Variants in BEND6 observed in about 807,000 individuals in gnomAD.
BEND6 encodes the protein BEN domain containing 6, also known as BEN domain-containing protein 6.
In BEND6, 24 loss-of-function variants were observed where a neutral mutation model predicts 31.8. The observed-to-expected ratio is 0.75, with a 90% CI of 0.55 to 1.06. The LOEUF is 1.06. BEND6 is among the 50% of genes least tolerant of loss of function. BEND6 has a pLI of 0.00. For synonymous variants in BEND6, 109 were observed against 114.6 expected (o/e 0.95, Z 0.31); for missense variants, 294 against 327.4 (o/e 0.90, Z 0.79).
At chr6:56,965,676 T>TTATATATATATA (rs35074783) in intron 1 of BEND6, among the ~76,000 whole-genome samples, 41 of 136,560 alleles carry the variant, frequency 3.0e-4, no homozygotes, top group East Asian at 8.4e-4. Flanking sequence ...ACAAAAAAAT[T>TTATATATATATA]TATATATATA....
At chr6:57,015,658 A>T (rs560488428) in intron 4 of BEND6, among the ~76,000 whole-genome samples, 16 of 151,282 alleles carry the variant, frequency 1.1e-4, no homozygotes, top group Admixed American at 5.9e-4. Flanking sequence ...AAAAAAAATT[A>T]ACCGGACGTG....
chr6:56,995,246 A>G (rs1826663946), intron 3 of BEND6, among the ~76,000 whole-genome samples: 2 of 151,332 alleles, frequency 1.3e-5, no homozygotes, highest in Admixed American at 1.3e-4. Flanking sequence ...CAAAAACCTC[A>G]CTTTCAGACC....
chr6:56,976,197 C>CT (rs530764397), intron 1 of BEND6: 13,786 of 151,878 alleles, frequency 0.091, 853 homozygotes, highest in East Asian at 0.17. Context: ...AGTGTTAGTG[C>CT]TTTTTTTTTT....
At chr6:56,955,594 G>A (rs1824731440) in intron 1 of BEND6, 134 bp downstream of exon 1, 1 of 152,202 alleles carries the variant, frequency 6.6e-6, no homozygotes, top group South Asian at 2.1e-4. Flanking sequence ...GGAGCGCTCC[G>A]GGGTAGTACG....
intron 3 of BEND6, among the ~76,000 whole-genome samples, chr6:56,999,158 C>G (rs1593006606): frequency 6.6e-6 from 1 of 152,130 alleles, no homozygotes; most frequent in Non-Finnish European, 1.5e-5. Context: ...GGGACTCTCT[C>G]CACTCCATGC....
intron 1 of BEND6, among the ~76,000 whole-genome samples, chr6:56,978,530 C>T (rs916578670): frequency 4.6e-5 from 7 of 152,186 alleles, no homozygotes; most frequent in African/African-American, 1.7e-4. Context: ...AAGTCTCTTA[C>T]ATTTCCATAC....
In BEND6 at chr6:56,992,567, GA is replaced by G; in HGVS notation, c.298+16del. The stretch of plus-strand genomic sequence containing the variant: ...GGTCATGCTTCAAGGTAAACTTTGA[GA>G]AAATTGACATTTTAGATAAAAGGGA... On this transcript the variant is annotated intron_variant, in intron 3 of 6. Coordinates refer to ENST00000370746, the MANE Select transcript of BEND6 (RefSeq NM_152731.3). 1 of 1,598,644 alleles carries G rather than the reference GA, an allele frequency of 6.3e-7. No homozygotes were observed. Among genetic ancestry groups the G allele is most frequent in the Non-Finnish European group, 8.5e-7 (1 of 1,175,292 alleles).
intron 4 of BEND6, 116 bp downstream of exon 4, chr6:57,015,469 T>C: frequency 7.8e-6 from 8 of 1,023,982 alleles, no homozygotes; most frequent in Non-Finnish European, 1.1e-5. Flanking sequence ...ATAGTTTTAT[T>C]CAATAGGAAT....
chr6:56,997,433 A>G (rs188137690), intron 3 of BEND6, among the ~76,000 whole-genome samples: 5 of 152,284 alleles, frequency 3.3e-5, no homozygotes, highest in Non-Finnish European at 5.9e-5. Context: ...CACCACATAC[A>G]CACACACTAG....
At chr6:57,012,147 A>C (rs1241700604) in intron 3 of BEND6, among the ~76,000 whole-genome samples, 1 of 152,190 alleles carries the variant, frequency 6.6e-6, no homozygotes, top group African/African-American at 2.4e-5. Flanking sequence ...TAAATAAATA[A>C]GTTACAGAGC....
chr6:56,994,024 G>A (rs529229235), intron 3 of BEND6, among the ~76,000 whole-genome samples: 1 of 152,074 alleles, frequency 6.6e-6, no homozygotes, highest in African/African-American at 2.4e-5. Context: ...TACATATTAT[G>A]TTTTTAAAAC....
At chr6:56,987,265 C>A (rs79845904) in intron 2 of BEND6, among the ~76,000 whole-genome samples, 1 of 152,152 alleles carries the variant, frequency 6.6e-6, no homozygotes, top group Non-Finnish European at 1.5e-5. Context: ...CAGTCGTGAG[C>A]CACTGTGCCC....
rs969490420 is a variant in BEND6 at position 56,992,518 on chromosome 6, A to C, written c.261A>C (p.Glu87Asp). Residue 87 changes from glutamate (E) to aspartate (D), a missense_variant, in exon 3 of 7, where the codon GAA (glutamate) becomes GAC (aspartate). Physicochemically the swap from Glu to Asp is conservative, Grantham distance 45 (BLOSUM62 2). Coordinates refer to ENST00000370746, the MANE Select transcript of BEND6 (RefSeq NM_152731.3). ...LKEKLTNTRK[E>D]NSRLRQSLVM... ...AAAAACTAACAAACACCCGGAAAGA[A>C]AACAGCCGACTTCGACAGTCTTTGG... 6.2e-7 allele frequency: 1 copy of C among 1,613,736 alleles called. No individual in the cohort carries two copies. The highest frequency in any genetic ancestry group is 1.3e-5 in the African/African-American group (1 of 74,858).
chr6:56,997,592 C>A (rs574355651), intron 3 of BEND6, among the ~76,000 whole-genome samples: 47 of 152,276 alleles, frequency 3.1e-4, no homozygotes, highest in Non-Finnish European at 6.2e-4. Context: ...CTCACTCTGT[C>A]GCCCAGACTG....
At chr6:57,016,442 C>G (rs557079175) in intron 4 of BEND6, among the ~76,000 whole-genome samples, 1 of 152,302 alleles carries the variant, frequency 6.6e-6, no homozygotes, top group South Asian at 2.1e-4. Context: ...GCATTTCTTT[C>G]TGAAAGCTCT....
Position 56,981,927 on chromosome 6 carries a change from A to C in BEND6, c.117A>C (p.Gly39=), listed in dbSNP as rs375959989. ...SENANSDMDK[G]QRDPYSGNAF... ...ATGCAAATAGTGACATGGATAAAGG[A>C]CAGGTTGGTTTTTTGTTACCTTGAC... The change falls in exon 2 of 7, where the codon GGA becomes GGC. Residue 39 remains glycine (G), a synonymous_variant. Transcript: ENST00000370746. 35 of 1,605,282 alleles carry C rather than the reference A, an allele frequency of 2.2e-5. No individual in the cohort carries two copies. The highest frequency in any genetic ancestry group is 2.7e-5 in the Non-Finnish European group (32 of 1,177,266).
chr6:56,979,488 A>G (rs1362707386), intron 1 of BEND6, among the ~76,000 whole-genome samples: 1 of 152,214 alleles, frequency 6.6e-6, no homozygotes, highest in Non-Finnish European at 1.5e-5. Flanking sequence ...ACATCAATAT[A>G]TGCCAGTACC....
At chr6:56,991,667 T>TG (rs1471873858) in intron 2 of BEND6, among the ~76,000 whole-genome samples, 11 of 152,168 alleles carry the variant, frequency 7.2e-5, no homozygotes, top group African/African-American at 2.4e-4. Context: ...AGCCACTTTC[T>TG]GGAGATTTTT....
At chr6:56,962,667 T>A (rs1008926822) in intron 1 of BEND6, among the ~76,000 whole-genome samples, 1 of 152,208 alleles carries the variant, frequency 6.6e-6, no homozygotes, top group African/African-American at 2.4e-5. Context: ...GGAATCTACT[T>A]AGAGAAGATA....
Sources: gnomAD v4.1 joint callset for allele counts (sites outside exome capture counted in the v4.1 genomes callset) on GRCh38, gnomAD v4.1.1 for gene constraint, MANE v1.5 for transcripts, NCBI Gene and HGNC (gene_info 2026-07-23, HGNC 2026-07-21) for gene names.